Variants in ITPR2 observed in about 807,000 individuals in gnomAD.
ITPR2 encodes the protein inositol 1,4,5-trisphosphate receptor type 2, also known as inositol 1,4,5-trisphosphate-gated calcium channel ITPR2.
ITPR2 carries 207 observed loss-of-function variants against 317.1 expected under a neutral mutation model. That is an observed-to-expected ratio of 0.65 (90% CI 0.58 to 0.73). ITPR2 has a LOEUF of 0.73. Among genes scored for constraint, ITPR2 ranks in the 30% least tolerant of loss-of-function variants. ITPR2 has a pLI of 0.00. For missense variants in ITPR2, 2,613 were observed against 3,284.0 expected (o/e 0.80, Z 4.99); for synonymous variants, 1,156 against 1,149.1 (o/e 1.01, Z -0.12).
intron 39 of ITPR2, among the ~76,000 whole-genome samples, chr12:26,493,001 A>C (rs1464270525): frequency 6.6e-6 from 1 of 151,992 alleles, no homozygotes; most frequent in Non-Finnish European, 1.5e-5. Flanking sequence ...ATTAAAAATT[A>C]AATTAAATTT....
At chr12:26,346,197 A>G (rs1323056519) in intron 55 of ITPR2, among the ~76,000 whole-genome samples, 1 of 152,246 alleles carries the variant, frequency 6.6e-6, no homozygotes, top group Middle Eastern at 3.2e-3. Flanking sequence ...CTCACACACC[A>G]TGTCAACCAT....
intron 2 of ITPR2, among the ~76,000 whole-genome samples, chr12:26,729,532 A>T (rs1308849958): frequency 6.6e-6 from 1 of 152,172 alleles, no homozygotes; most frequent in African/African-American, 2.4e-5. Flanking sequence ...CATTCACAAT[A>T]GCAAAGACAT....
chr12:26,553,386 T>C (rs1464607271), intron 36 of ITPR2, among the ~76,000 whole-genome samples: 1 of 152,246 alleles, frequency 6.6e-6, no homozygotes, highest in African/African-American at 2.4e-5. Flanking sequence ...AGTCAACAGA[T>C]TCCAAGAATT....
rs71437306 is a variant in ITPR2, at chr12:26,666,135, G to GAGATAGATAGATAGATAGATAGATAGAT, written c.1410-112_1410-85dup. The GAGATAGATAGATAGATAGATAGATAGAT allele has an allele frequency of 5.0e-4, 205 of 411,798 alleles. 9 individuals carry two copies. The highest frequency in any genetic ancestry group is 1.5e-3 in the East Asian group (38 of 24,604). The allele number at this position is 411,798 out of a possible 1,614,324, so 25.5% of individuals were successfully genotyped here. On this transcript the variant is annotated intron_variant, in intron 13 of 56. Transcript: ENST00000381340. ...TAGATAGATGATAGGTAGGTAGGTA[G>GAGATAGATAGATAGATAGATAGATAGAT]AGATAGATAGATAGATAGATAGATA...
At chr12:26,733,598 C>A (rs191621438) in intron 2 of ITPR2, among the ~76,000 whole-genome samples, 18 of 152,094 alleles carry the variant, frequency 1.2e-4, no homozygotes, top group African/African-American at 3.6e-4. Flanking sequence ...AGATTAATTG[C>A]CTGATTCATA....
chr12:26,490,770 G>A (rs534329481), intron 39 of ITPR2, among the ~76,000 whole-genome samples: 10 of 152,316 alleles, frequency 6.6e-5, no homozygotes, highest in Non-Finnish European at 1.3e-4. Context: ...CCGCTATCGC[G>A]CCATTGCACT....
intron 35 of ITPR2, among the ~76,000 whole-genome samples, chr12:26,560,814 A>G (rs1049902433): frequency 6.6e-6 from 1 of 152,132 alleles, no homozygotes; most frequent in African/African-American, 2.4e-5. Flanking sequence ...TATAACACTC[A>G]TCTACATGTT....
chr12:26,654,581 T>G (rs898833768), intron 20 of ITPR2, among the ~76,000 whole-genome samples: 5 of 152,146 alleles, frequency 3.3e-5, no homozygotes, highest in African/African-American at 1.2e-4. Flanking sequence ...GTGGCCCCAG[T>G]GCACAGTCTC....
chr12:26,712,548 G>C, intron 8 of ITPR2, among the ~76,000 whole-genome samples: 1 of 152,130 alleles, frequency 6.6e-6, no homozygotes, highest in Admixed American at 6.5e-5. Flanking sequence ...TGGCCACTGT[G>C]ATCTTGTCAG....
chr12:26,490,421 A>G (rs1332893927), intron 39 of ITPR2, among the ~76,000 whole-genome samples: 1 of 152,258 alleles, frequency 6.6e-6, no homozygotes, highest in Admixed American at 6.5e-5. Context: ...ATTGGTCCAG[A>G]CACAAGGGGT....
In ITPR2 at chr12:26,597,046, T is replaced by G; in HGVS notation, c.4091A>C (p.Asp1364Ala). The change falls in exon 31 of 57, where the codon GAC becomes GCC. Residue 1364 changes from aspartate (D) to alanine (A), a missense_variant. This residue lies in a region of ITPR2 where 817 missense variants were observed against 897.6 expected (regional missense o/e 0.91). Coordinates refer to ENST00000381340, the MANE Select transcript of ITPR2 (RefSeq NM_002223.4). Reference sequence around the variant, plus strand: ...TAAGGGGCCACTCTCATCCCCTCGGTCTCTCTCTGAACACATCATATGGAG... The same window carrying G: ...TAAGGGGCCACTCTCATCCCCTCGGGCTCTCTCTGAACACATCATATGGAG... ...ILLHMMCSER[D>A]RGDESGPLAY... 1 of 1,614,036 alleles carries G rather than the reference T, an allele frequency of 6.2e-7. No individual in the cohort carries two copies. Among genetic ancestry groups the G allele is most frequent in the Non-Finnish European group, 8.5e-7 (1 of 1,179,982 alleles).
At chr12:26,744,573 A>C (rs1482246877) in intron 2 of ITPR2, among the ~76,000 whole-genome samples, 1 of 152,248 alleles carries the variant, frequency 6.6e-6, no homozygotes, top group Non-Finnish European at 1.5e-5. Context: ...GTAGGTGCTC[A>C]ATGAATGTTT....
At chr12:26,624,085 A>G (rs1176337059) in intron 24 of ITPR2, among the ~76,000 whole-genome samples, 1 of 152,186 alleles carries the variant, frequency 6.6e-6, no homozygotes, top group Non-Finnish European at 1.5e-5. Flanking sequence ...CACTGATCTC[A>G]TCTCTCTTGT....
At chr12:26,474,666 C>T (rs978581186) in intron 45 of ITPR2, among the ~76,000 whole-genome samples, 2 of 150,068 alleles carry the variant, frequency 1.3e-5, no homozygotes, top group Non-Finnish European at 3.0e-5. Context: ...TAGTGGCGGG[C>T]GCCTGTAGTC....
chr12:26,388,559 T>C (rs530207389), intron 54 of ITPR2, among the ~76,000 whole-genome samples: 1 of 151,914 alleles, frequency 6.6e-6, no homozygotes, highest in Non-Finnish European at 1.5e-5. Flanking sequence ...GTTCAATTGA[T>C]CCTCCTACTT....
intron 4 of ITPR2, among the ~76,000 whole-genome samples, 176 bp downstream of exon 4, chr12:26,724,480 T>C (rs1173177835): frequency 6.6e-6 from 1 of 152,150 alleles, no homozygotes; most frequent in Non-Finnish European, 1.5e-5. Flanking sequence ...TTCTTAAACA[T>C]ACAGAATAGT....
At position 26,831,114 on chromosome 12, in the gene ITPR2, T is replaced by A. The variant is rs1474395532; in HGVS notation, c.92+1576A>T. Among the ~76,000 whole-genome samples, 1 of 151,998 alleles carries A rather than the reference T, an allele frequency of 6.6e-6. No individual in the cohort carries two copies. The highest frequency in any genetic ancestry group is 1.5e-5 in the Non-Finnish European group (1 of 68,018). On this transcript the variant is annotated intron_variant, in intron 1 of 56. Coordinates refer to ENST00000381340, the MANE Select transcript of ITPR2 (RefSeq NM_002223.4). This position sits in a 1 kb window ranked among gnomAD's most constrained non-coding sequence, Gnocchi z 4.9. ...CTACGGAGGGTGAAGAGCAGCAGAGTCCACCTGCAAAATGTTGCTGGAGGC... is the reference window on the plus strand; with the variant it reads ...CTACGGAGGGTGAAGAGCAGCAGAGACCACCTGCAAAATGTTGCTGGAGGC...
At chr12:26,815,711 A>C (rs1368738060) in intron 1 of ITPR2, among the ~76,000 whole-genome samples, 1 of 152,164 alleles carries the variant, frequency 6.6e-6, no homozygotes, top group African/African-American at 2.4e-5. Context: ...TATCAAAGTA[A>C]GGGAGAAAAA....
At chr12:26,547,956 TAAG>T (rs2136998730) in intron 37 of ITPR2, among the ~76,000 whole-genome samples, 1 of 152,256 alleles carries the variant, frequency 6.6e-6, no homozygotes, top group South Asian at 2.1e-4. Context: ...ATCAAAGGAG[TAAG>T]AAGATTAAAC....
Sources: gnomAD v4.1 joint callset for allele counts (sites outside exome capture counted in the v4.1 genomes callset) on GRCh38, gnomAD v4.1.1 for gene constraint, gnomAD v4.1.1 regional missense constraint, Gnocchi (gnomAD v3.1) non-coding constraint, MANE v1.5 for transcripts, NCBI Gene and HGNC (gene_info 2026-07-23, HGNC 2026-07-21) for gene names.